The following UBE2E1 variants were observed in gnomAD, a reference collection of about 807,000 sequenced individuals.
The protein encoded by UBE2E1 is ubiquitin-conjugating enzyme E2 E1.
Under a neutral mutation model 21.4 loss-of-function variants are expected in UBE2E1, and 6 were observed. The observed-to-expected ratio is 0.28, with a 90% CI of 0.15 to 0.55. UBE2E1 has a LOEUF of 0.55. UBE2E1 is among the 20% of genes least tolerant of loss of function. UBE2E1 has a pLI of 0.93. For missense variants in UBE2E1, 142 were observed against 236.5 expected (o/e 0.60, Z 2.62); for synonymous variants, 87 against 82.7 (o/e 1.05, Z -0.28).
chr3:23,864,933 C>G (rs1340937277), intron 3 of UBE2E1, among the ~76,000 whole-genome samples: 1 of 152,236 alleles, frequency 6.6e-6, no homozygotes, highest in African/African-American at 2.4e-5. Flanking sequence ...CTGCCCTCAT[C>G]CATGTTAATG....
intron 3 of UBE2E1, among the ~76,000 whole-genome samples, chr3:23,812,584 C>T (rs1699423011): frequency 6.6e-6 from 1 of 152,150 alleles, no homozygotes; most frequent in Non-Finnish European, 1.5e-5. Context: ...GATGCTCTTC[C>T]GTGAAACTTT....
intron 4 of UBE2E1, among the ~76,000 whole-genome samples, chr3:23,888,862 A>T (rs1398247829): frequency 6.6e-6 from 1 of 152,252 alleles, no homozygotes; most frequent in Non-Finnish European, 1.5e-5. Context: ...AATATTTAAA[A>T]GATTTAAAAT....
At chr3:23,889,837 C>A in intron 5 of UBE2E1, 1 of 838,616 alleles carries the variant, frequency 1.2e-6, no homozygotes, top group Non-Finnish European at 1.4e-6. Context: ...CTGCAGTGAG[C>A]CATGAGCATG....
chr3:23,875,034 T>G (rs988415442), intron 3 of UBE2E1, among the ~76,000 whole-genome samples: 1 of 152,202 alleles, frequency 6.6e-6, no homozygotes, highest in Non-Finnish European at 1.5e-5. Context: ...GGTCTGCTCT[T>G]CTTTTGTCAT....
At chr3:23,819,557 G>A (rs1699601546) in intron 3 of UBE2E1, among the ~76,000 whole-genome samples, 1 of 152,150 alleles carries the variant, frequency 6.6e-6, no homozygotes, top group African/African-American at 2.4e-5. Flanking sequence ...TAAGTTCCTC[G>A]AGAGTAGGGA....
rs35390745 is a variant in UBE2E1 at position 23,816,661 on chromosome 3, C to A, written c.203+5151C>A. On this transcript the variant is annotated intron_variant, in intron 3 of 5. Transcript: ENST00000306627. The surrounding 1 kb of genome is among the most constrained non-coding windows in gnomAD (Gnocchi z 4.8). Reference sequence around the variant, plus strand: ...GGCGGAGCTTGCTGTGAGCAGAGATCGCACCACTGCACTCCAGCCTGGGCA... The same window carrying A: ...GGCGGAGCTTGCTGTGAGCAGAGATAGCACCACTGCACTCCAGCCTGGGCA... Among the ~76,000 whole-genome samples, 1 of 151,818 alleles carries A rather than the reference C, an allele frequency of 6.6e-6. No homozygotes were observed. Among genetic ancestry groups the A allele is most frequent in the Admixed American group, 6.6e-5 (1 of 15,258 alleles).
intron 3 of UBE2E1, among the ~76,000 whole-genome samples, chr3:23,814,618 T>C (rs1169072388): frequency 6.6e-6 from 1 of 152,216 alleles, no homozygotes; most frequent in African/African-American, 2.4e-5. Context: ...AACTTTGTAA[T>C]GATTCCCTAA....
intron 3 of UBE2E1, among the ~76,000 whole-genome samples, chr3:23,825,054 A>C (rs2125289584): frequency 6.6e-6 from 1 of 152,350 alleles, no homozygotes; most frequent in African/African-American, 2.4e-5. Context: ...TCTTGAATTA[A>C]TTTTAAAAAT....
Position 23,810,505 on chromosome 3 carries a change from T to C in UBE2E1, c.153-955T>C, listed in dbSNP as rs891831906. The C allele has an allele frequency of 2.0e-6, 3 of 1,535,134 alleles. No individual in the cohort carries two copies. The African/African-American group carries it at 4.1e-5, about 21-fold the overall frequency. ...AGGAAGTGGGCAGACCCCGGGAAGTTAGAGGACGCCCGGGGAAAAGCAGGT... is the reference window on the plus strand; with the variant it reads ...AGGAAGTGGGCAGACCCCGGGAAGTCAGAGGACGCCCGGGGAAAAGCAGGT... On this transcript the variant is annotated intron_variant, in intron 2 of 5. Transcript: ENST00000306627. The surrounding 1 kb of genome is among the most constrained non-coding windows in gnomAD (Gnocchi z 5.8).
intron 1 of UBE2E1, 147 bp from the exon 2 acceptor site, chr3:23,807,090 A>G: frequency 1.7e-6 from 1 of 594,288 alleles, no homozygotes; most frequent in East Asian, 3.0e-5. Flanking sequence ...AAAAGCCTTA[A>G]TGGGCCTGCA....
chr3:23,833,935 C>A (rs1699921414), intron 3 of UBE2E1, among the ~76,000 whole-genome samples: 1 of 152,030 alleles, frequency 6.6e-6, no homozygotes, highest in African/African-American at 2.4e-5. Flanking sequence ...CAGGTTGACG[C>A]TGCAGTCAGC....
chr3:23,874,077 CT>C (rs933695662), intron 3 of UBE2E1, among the ~76,000 whole-genome samples: 2 of 152,208 alleles, frequency 1.3e-5, no homozygotes, highest in African/African-American at 4.8e-5. Context: ...TAGCAGCCCC[CT>C]GACTGCCCCA....
At position 23,808,012 on chromosome 3, in the gene UBE2E1, A is replaced by T. The variant is rs1025508846; in HGVS notation, c.152+591A>T. ...ATCAGTAAGTGACTATAAAATGGTT[A>T]TTCTAGGTTATTTTTGTGGTTCTCT... On this transcript the variant is annotated intron_variant, in intron 2 of 5. Transcript: ENST00000306627. This position sits in a 1 kb window ranked among gnomAD's most constrained non-coding sequence, Gnocchi z 4.9. 6.6e-6 allele frequency: 1 copy of T among 152,230 alleles called. No homozygotes were observed. Among genetic ancestry groups the T allele is most frequent in the African/African-American group, 2.4e-5 (1 of 41,458 alleles). 9.4% of individuals were successfully genotyped at this position (152,230 alleles called of 1,614,324 possible). A position where few individuals can be genotyped will look rare whatever the true frequency, so the allele number is the denominator to read the frequency against.
intron 3 of UBE2E1, among the ~76,000 whole-genome samples, chr3:23,811,989 G>A (rs1462890713): frequency 6.6e-6 from 1 of 152,104 alleles, no homozygotes; most frequent in Non-Finnish European, 1.5e-5. Context: ...GAGCAATTCA[G>A]GAAACAATTT....
Position 23,863,591 on chromosome 3 carries a change from C to T in UBE2E1, c.204-23976C>T, listed in dbSNP as rs532242931. Among the ~76,000 whole-genome samples the T allele has an allele frequency of 3.3e-4, 50 of 152,242 alleles. No individual in the cohort carries two copies. Among genetic ancestry groups the T allele is most frequent in the Non-Finnish European group, 6.5e-4 (44 of 68,016 alleles). ...TGTTGCGCAGGCTGGAGTGCAGTGG[C>T]GCGATCTCAACTCACCGCAACCTCC... On this transcript the variant is annotated intron_variant, in intron 3 of 5. Coordinates refer to ENST00000306627, the MANE Select transcript of UBE2E1 (RefSeq NM_003341.5). The surrounding 1 kb of genome is among the most constrained non-coding windows in gnomAD (Gnocchi z 4.3).
intron 3 of UBE2E1, among the ~76,000 whole-genome samples, chr3:23,824,071 A>G (rs774972745): frequency 6.6e-6 from 1 of 152,330 alleles, no homozygotes; most frequent in African/African-American, 2.4e-5. Context: ...AGTTGTTGCC[A>G]TTTTCTGCAT....
At chr3:23,886,549 T>C (rs1344397096) in intron 3 of UBE2E1, among the ~76,000 whole-genome samples, 1 of 152,200 alleles carries the variant, frequency 6.6e-6, no homozygotes, top group East Asian at 1.9e-4. Context: ...TCCCCTAACC[T>C]GTTGCATCTC....
In UBE2E1 at chr3:23,810,797, G is replaced by A. The variant is rs901499348; in HGVS notation, c.153-663G>A. ...ACCGGCGCGGCGCGAGCCGTCGGGG[G>A]CGCGCGCGGGGTGGGGGCGGCGTGG... On this transcript the variant is annotated intron_variant, in intron 2 of 5. Coordinates refer to ENST00000306627, the MANE Select transcript of UBE2E1 (RefSeq NM_003341.5). This position sits in a 1 kb window ranked among gnomAD's most constrained non-coding sequence, Gnocchi z 5.8. 7 of 213,542 alleles carry A rather than the reference G, an allele frequency of 3.3e-5. No individual in the cohort carries two copies. The highest frequency in any genetic ancestry group is 6.0e-5 in the Admixed American group (1 of 16,774). 13.2% of individuals were successfully genotyped at this position (213,542 alleles called of 1,614,324 possible). A position where few individuals can be genotyped will look rare whatever the true frequency, so the allele number is the denominator to read the frequency against.
rs13085379 is a variant in UBE2E1, at chr3:23,870,448, G to C, written c.204-17119G>C. Reference sequence around the variant, plus strand: ...ACTGCCACAGGGAGTTAATTTACCTGTATTTCTGCCTATTGCTATGGGCAG... The same window carrying C: ...ACTGCCACAGGGAGTTAATTTACCTCTATTTCTGCCTATTGCTATGGGCAG... On this transcript the variant is annotated intron_variant, in intron 3 of 5. Coordinates refer to ENST00000306627, the MANE Select transcript of UBE2E1 (RefSeq NM_003341.5). The surrounding 1 kb of genome is among the most constrained non-coding windows in gnomAD (Gnocchi z 4.2). Among the ~76,000 whole-genome samples, 55,801 of 151,938 alleles carry C rather than the reference G, an allele frequency of 0.37. 10,801 individuals are homozygous for C. Among genetic ancestry groups the C allele is most frequent in the Middle Eastern group, 0.52 (152 of 294 alleles).
Sources: gnomAD v4.1 joint callset for allele counts (sites outside exome capture counted in the v4.1 genomes callset) on GRCh38, gnomAD v4.1.1 for gene constraint, Gnocchi (gnomAD v3.1) non-coding constraint, MANE v1.5 for transcripts, NCBI Gene and HGNC (gene_info 2026-07-23, HGNC 2026-07-21) for gene names.